The following NALF1 variants were observed in gnomAD, a reference collection of about 807,000 sequenced individuals.
The protein encoded by NALF1 is NALCN channel auxiliary factor 1.
NALF1 carries 3 observed loss-of-function variants against 48.4 expected under a neutral mutation model. The observed-to-expected ratio is 0.06, with a 90% CI of 0.03 to 0.16. NALF1 has a LOEUF of 0.16. Among genes scored for constraint, NALF1 ranks in the 10% least tolerant of loss-of-function variants. NALF1 has a pLI of 1.00. For missense variants in NALF1, 526 were observed against 571.5 expected (o/e 0.92, Z 0.81); for synonymous variants, 262 against 245.7 (o/e 1.07, Z -0.62).
intron 1 of NALF1, among the ~76,000 whole-genome samples, chr13:107,306,755 G>C (rs1881944311): frequency 6.6e-6 from 1 of 152,156 alleles, no homozygotes; most frequent in African/African-American, 2.4e-5. Context: ...CTTGAGCCCA[G>C]AAGTTTGAGA....
At chr13:107,526,428 A>G (rs1876444267) in intron 1 of NALF1, among the ~76,000 whole-genome samples, 1 of 152,136 alleles carries the variant, frequency 6.6e-6, no homozygotes, top group African/African-American at 2.4e-5. Flanking sequence ...TCCCTAGCAG[A>G]GAAACTGAGG....
intron 1 of NALF1, among the ~76,000 whole-genome samples, chr13:107,734,409 A>AAC (rs35161339): frequency 5.4e-4 from 81 of 149,328 alleles, no homozygotes; most frequent in African/African-American, 9.9e-4. Flanking sequence ...TTTAAAAAAA[A>AAC]ACACACACAC....
In NALF1 at chr13:107,170,169, T is replaced by A. The variant is rs1024969456; in HGVS notation, c.*328A>T. 1 of 223,950 alleles carries A rather than the reference T, an allele frequency of 4.5e-6. No individual in the cohort carries two copies. The highest frequency in any genetic ancestry group is 2.3e-5 in the African/African-American group (1 of 44,200). 13.9% of individuals were successfully genotyped at this position (223,950 alleles called of 1,614,324 possible). A position where few individuals can be genotyped will look rare whatever the true frequency, so the allele number is the denominator to read the frequency against. The stretch of plus-strand genomic sequence containing the variant: ...GACTTAGTTTACCTCTGAGAAACCA[T>A]CCCCCAAAATAAATCCTGTATTAAC... On this transcript the variant is annotated 3_prime_UTR_variant, in exon 3 of 3. Coordinates refer to ENST00000375915, the MANE Select transcript of NALF1 (RefSeq NM_001080396.3).
intron 1 of NALF1, among the ~76,000 whole-genome samples, chr13:107,426,222 CCTCAGGAAGGCCTTCTTTGACT>C (rs1884278611): frequency 2.0e-5 from 3 of 152,146 alleles, no homozygotes; most frequent in African/African-American, 7.2e-5. Flanking sequence ...AAAATTACTT[CCTCAGGAAGGCCTTCTTTGACT>C]TTTGAATCAA....
chr13:107,222,773 T>C lies in NALF1; in HGVS notation c.916-12018A>G, dbSNP rs371994733. ...CATAAGGGCAAGAACCTGGTCTGTC[T>C]TTAGGCAGCAGTGAACTCTCCGCAG... is the stretch of plus-strand genomic sequence containing the variant. On this transcript the variant is annotated intron_variant, in intron 1 of 2. Transcript: ENST00000375915. 2.6e-5 allele frequency among the ~76,000 whole-genome samples: 4 copies of C among 152,368 alleles called. 1 individual carries two copies.
chr13:107,239,788 C>CA (rs1264639498), intron 1 of NALF1, among the ~76,000 whole-genome samples: 3 of 152,014 alleles, frequency 2.0e-5, no homozygotes, highest in Non-Finnish European at 2.9e-5. Context: ...GAAACACCAC[C>CA]AACACACCCC....
intron 1 of NALF1, among the ~76,000 whole-genome samples, chr13:107,706,907 T>C (rs1248210852): frequency 2.0e-5 from 3 of 146,996 alleles, no homozygotes; most frequent in Non-Finnish European, 3.0e-5. Flanking sequence ...AGTTTTTAAA[T>C]CAAGGGCATT....
chr13:107,694,248 A>C (rs1881645755), intron 1 of NALF1, among the ~76,000 whole-genome samples: 2 of 152,154 alleles, frequency 1.3e-5, no homozygotes, highest in Admixed American at 1.3e-4. Flanking sequence ...TTTTCAAATC[A>C]ATTGGCAAGT....
intron 1 of NALF1, among the ~76,000 whole-genome samples, chr13:107,289,797 T>G (rs1323676852): frequency 6.6e-6 from 1 of 152,132 alleles, no homozygotes; most frequent in Non-Finnish European, 1.5e-5. Flanking sequence ...GGAATATAGA[T>G]GTTTCAATGA....
chr13:107,329,752 G>A (rs907422154), intron 1 of NALF1, among the ~76,000 whole-genome samples: 2 of 150,324 alleles, frequency 1.3e-5, no homozygotes, highest in Non-Finnish European at 2.9e-5. Flanking sequence ...GAGAACATGC[G>A]GTGTTTGGCT....
intron 1 of NALF1, among the ~76,000 whole-genome samples, chr13:107,316,451 T>G (rs1882152040): frequency 6.6e-6 from 1 of 152,214 alleles, no homozygotes; most frequent in Admixed American, 6.5e-5. Flanking sequence ...TTTCTCGTTC[T>G]AGATCCCTGA....
At chr13:107,720,551 A>C (rs1875955191) in intron 1 of NALF1, among the ~76,000 whole-genome samples, 1 of 151,928 alleles carries the variant, frequency 6.6e-6, no homozygotes, top group African/African-American at 2.4e-5. Flanking sequence ...TCCCAGAATA[A>C]TACACAGTGA....
rs150789118 is a variant in NALF1 at position 107,375,379 on chromosome 13, C to T, written c.916-164624G>A. 8.0e-3 allele frequency among the ~76,000 whole-genome samples: 1,220 copies of T among 151,942 alleles called. 13 individuals are homozygous for T. Among genetic ancestry groups the T allele is most frequent in the Admixed American group, 0.011 (166 of 15,254 alleles). ...CTATTTTAATATTTTTTCATGTTCT[C>T]GAAGAGACTCTGGAAAATACTTGGT... On this transcript the variant is annotated intron_variant, in intron 1 of 2. Transcript: ENST00000375915.
intron 1 of NALF1, among the ~76,000 whole-genome samples, chr13:107,812,306 T>C (rs1879019246): frequency 6.6e-6 from 1 of 152,084 alleles, no homozygotes; most frequent in East Asian, 1.9e-4. Context: ...CTCAAATGAA[T>C]TAAATGTTTT....
At chr13:107,355,726 C>G (rs1339397392) in intron 1 of NALF1, among the ~76,000 whole-genome samples, 1 of 152,022 alleles carries the variant, frequency 6.6e-6, no homozygotes, top group African/African-American at 2.4e-5. Context: ...TGAGGCCTCC[C>G]CAGCCATGCT....
chr13:107,386,137 G>C (rs1345741037), intron 1 of NALF1, among the ~76,000 whole-genome samples: 1 of 152,040 alleles, frequency 6.6e-6, no homozygotes, highest in South Asian at 2.1e-4. Flanking sequence ...TACATGTTTT[G>C]TCTTTTTAGT....
At chr13:107,174,659 T>C in intron 2 of NALF1, among the ~76,000 whole-genome samples, 1 of 151,418 alleles carries the variant, frequency 6.6e-6, no homozygotes, top group East Asian at 2.0e-4. Context: ...CCGGCCAGGA[T>C]GGAGGAACTT....
chr13:107,251,268 C>T (rs998551104), intron 1 of NALF1, among the ~76,000 whole-genome samples: 2 of 152,178 alleles, frequency 1.3e-5, no homozygotes, highest in East Asian at 1.9e-4. Flanking sequence ...GCCTCTATTT[C>T]CCCCTCATTA....
At chr13:107,597,767 C>T (rs1056156326) in intron 1 of NALF1, among the ~76,000 whole-genome samples, 9 of 152,004 alleles carry the variant, frequency 5.9e-5, no homozygotes, top group Non-Finnish European at 8.8e-5. Flanking sequence ...TGTAAGAATA[C>T]ATAATTATTT....
Sources: gnomAD v4.1 joint callset for allele counts (sites outside exome capture counted in the v4.1 genomes callset) on GRCh38, gnomAD v4.1.1 for gene constraint, MANE v1.5 for transcripts, NCBI Gene and HGNC (gene_info 2026-07-23, HGNC 2026-07-21) for gene names.